ZNF521: variants seen among roughly 807,000 people sequenced by gnomAD.
ZNF521 encodes zinc finger protein 521, also known as LYST-interacting protein 3.
In ZNF521, 14 loss-of-function variants were observed where a neutral mutation model predicts 105.5. The observed-to-expected ratio is 0.13, with a 90% CI of 0.09 to 0.21. The LOEUF (loss-of-function observed/expected upper bound fraction) is 0.21. Among genes scored for constraint, ZNF521 ranks in the 10% least tolerant of loss-of-function variants. The pLI is 1.00. For synonymous variants in ZNF521, 635 were observed against 606.0 expected (o/e 1.05, Z -0.70); for missense variants, 1,233 against 1,629.7 (o/e 0.76, Z 4.19).
At chr18:25,080,096 G>T (rs2033459122) in intron 7 of ZNF521, among the ~76,000 whole-genome samples, 1 of 152,234 alleles carries the variant, frequency 6.6e-6, no homozygotes, top group South Asian at 2.1e-4. Context: ...CAGGAAAGAA[G>T]CTGTCCTCCC....
intron 2 of ZNF521, among the ~76,000 whole-genome samples, chr18:25,327,197 T>C (rs1913270237): frequency 6.6e-6 from 1 of 152,166 alleles, no homozygotes; most frequent in Admixed American, 6.5e-5. Context: ...TTCAAGGATA[T>C]TGTCTGAAAT....
Position 25,224,697 on chromosome 18 carries a change from A to T in ZNF521, c.3221T>A (p.Phe1074Tyr). 1 of 1,613,906 alleles carries T rather than the reference A, an allele frequency of 6.2e-7. No individual in the cohort carries two copies. The highest frequency in any genetic ancestry group is 8.5e-7 in the Non-Finnish European group (1 of 1,179,978). The change falls in exon 4 of 8, where the codon TTC becomes TAC. Residue 1074 changes from phenylalanine (F) to tyrosine (Y), a missense_variant. Physicochemically the swap from Phe to Tyr is conservative, Grantham distance 22. Coordinates refer to ENST00000361524, the MANE Select transcript of ZNF521 (RefSeq NM_015461.3). ...TTTCACCAGATCTTGCTTGGAACGGAATTCTTTGAGGCAAGATGCGCACTT... is the reference window on the plus strand; with the variant it reads ...TTTCACCAGATCTTGCTTGGAACGGTATTCTTTGAGGCAAGATGCGCACTT... ...LYKCASCLKE[F>Y]RSKQDLVKLD... is the part of the protein sequence containing the mutation.
At chr18:25,187,484 C>T (rs2035746704) in intron 5 of ZNF521, among the ~76,000 whole-genome samples, 1 of 151,950 alleles carries the variant, frequency 6.6e-6, no homozygotes, top group Admixed American at 6.6e-5. Flanking sequence ...TAAATAAGCA[C>T]TCACAGCAGA....
chr18:25,295,504 A>T (rs1911274878), intron 3 of ZNF521, among the ~76,000 whole-genome samples: 1 of 152,210 alleles, frequency 6.6e-6, no homozygotes, highest in African/African-American at 2.4e-5. Context: ...ATAAATGCTT[A>T]AGGTGACAGA....
At chr18:25,140,304 G>A (rs964473710) in intron 5 of ZNF521, among the ~76,000 whole-genome samples, 15 of 152,094 alleles carry the variant, frequency 9.9e-5, no homozygotes, top group Non-Finnish European at 1.9e-4. Context: ...AACATCTCTC[G>A]GCTGAGATTT....
intron 5 of ZNF521, among the ~76,000 whole-genome samples, chr18:25,187,410 C>T (rs917632768): frequency 1.3e-5 from 2 of 151,624 alleles, no homozygotes; most frequent in African/African-American, 4.8e-5. Flanking sequence ...TAAGAAAACG[C>T]TTGTTACCTC....
intron 3 of ZNF521, among the ~76,000 whole-genome samples, chr18:25,301,657 G>C (rs1382038040): frequency 1.3e-5 from 2 of 152,200 alleles, no homozygotes; most frequent in Non-Finnish European, 1.5e-5. Flanking sequence ...CCTAATAGGT[G>C]AAAGTCTTCC....
At position 25,251,000 on chromosome 18, in the gene ZNF521, C is replaced by T. The variant is rs1385768150; in HGVS notation, c.221-23303G>A. Among the ~76,000 whole-genome samples, 3 of 152,172 alleles carry T rather than the reference C, an allele frequency of 2.0e-5. No individual in the cohort carries two copies. In the East Asian group the frequency reaches 5.8e-4, roughly 29 times the overall value. On this transcript the variant is annotated intron_variant, in intron 3 of 7. Coordinates refer to ENST00000361524, the MANE Select transcript of ZNF521 (RefSeq NM_015461.3). ...TGTTTGACATCATGTAAACGAAACA[C>T]TCAAATAACTGAGGTTTGTCTTTCT...
intron 3 of ZNF521, among the ~76,000 whole-genome samples, chr18:25,267,722 G>T (rs144784319): frequency 3.2e-4 from 49 of 152,194 alleles, no homozygotes; most frequent in African/African-American, 1.0e-3. Flanking sequence ...AAACAGAAAA[G>T]AAACAGCATC....
intron 6 of ZNF521, among the ~76,000 whole-genome samples, chr18:25,090,484 C>A (rs927001740): frequency 5.3e-5 from 8 of 152,168 alleles, no homozygotes; most frequent in African/African-American, 1.9e-4. Context: ...AAAAACTGCT[C>A]AGATTTCCTT....
chr18:25,221,713 G>C (rs1030030864), intron 4 of ZNF521, among the ~76,000 whole-genome samples: 1 of 152,064 alleles, frequency 6.6e-6, no homozygotes, highest in Non-Finnish European at 1.5e-5. Context: ...TTTTGACAAA[G>C]ACTTATATAA....
chr18:25,091,357 T>C (rs6508347), intron 6 of ZNF521, among the ~76,000 whole-genome samples: 89,351 of 151,930 alleles, frequency 0.59, 26,636 homozygotes, highest in Middle Eastern at 0.65. Context: ...CTAAAATCTG[T>C]AATGCTATCG....
chr18:25,311,177 T>G (rs1912286020), intron 3 of ZNF521, among the ~76,000 whole-genome samples: 1 of 152,068 alleles, frequency 6.6e-6, no homozygotes. Flanking sequence ...CCAAGACCTA[T>G]TAAGAGGTCA....
intron 7 of ZNF521, among the ~76,000 whole-genome samples, chr18:25,069,987 G>A (rs1031726820): frequency 6.6e-6 from 1 of 152,106 alleles, no homozygotes; most frequent in Non-Finnish European, 1.5e-5. Context: ...AAACACTGAT[G>A]CATTTTCTTT....
chr18:25,181,165 C>G lies in ZNF521; in HGVS notation c.3658+13995G>C, dbSNP rs188679779. Among the ~76,000 whole-genome samples, 67 of 152,308 alleles carry G rather than the reference C, an allele frequency of 4.4e-4. 1 individual carries two copies. Among genetic ancestry groups the G allele is most frequent in the African/African-American group, 1.6e-3 (66 of 41,560 alleles). The stretch of plus-strand genomic sequence containing the variant: ...AGCTTTCCTGCTTGATAAATTCCAA[C>G]CTTTCAGCTCATCTAAACTGAGCCT... On this transcript the variant is annotated intron_variant, in intron 5 of 7. Transcript: ENST00000361524.
Position 25,225,226 on chromosome 18 carries a change from C to T in ZNF521, c.2692G>A (p.Glu898Lys), listed in dbSNP as rs1372499764. 1 of 1,614,124 alleles carries T rather than the reference C, an allele frequency of 6.2e-7. No individual in the cohort carries two copies. Among genetic ancestry groups the T allele is most frequent in the Non-Finnish European group, 8.5e-7 (1 of 1,180,018 alleles). ...CDICGAAYTMETLLQNHQLRD... is the reference protein window; with the variant it reads ...CDICGAAYTMKTLLQNHQLRD... ...AGCTGGTGATTCTGCAGCAAAGTTTCCATAGTGTAGGCTGCCCCACAAATG... is the reference window on the plus strand; with the variant it reads ...AGCTGGTGATTCTGCAGCAAAGTTTTCATAGTGTAGGCTGCCCCACAAATG... Residue 898 changes from glutamate (E) to lysine (K), a missense_variant, in exon 4 of 8, where the codon GAA (glutamate) becomes AAA (lysine). By Grantham distance (56) the Glu-to-Lys change is moderately conservative. This residue lies in a region of ZNF521 where 614 missense variants were observed against 751.5 expected (regional missense o/e 0.82). Coordinates refer to ENST00000361524, the MANE Select transcript of ZNF521 (RefSeq NM_015461.3). The surrounding 1 kb of genome is among the most constrained non-coding windows in gnomAD (Gnocchi z 5.6).
At chr18:25,199,948 TTAGTC>T (rs1568006146) in intron 4 of ZNF521, among the ~76,000 whole-genome samples, 1 of 152,194 alleles carries the variant, frequency 6.6e-6, no homozygotes, top group Non-Finnish European at 1.5e-5. Flanking sequence ...GTTTCATACT[TTAGTC>T]TATAAAGAAC....
At chr18:25,216,415 G>T (rs1183092087) in intron 4 of ZNF521, among the ~76,000 whole-genome samples, 1 of 152,074 alleles carries the variant, frequency 6.6e-6, no homozygotes, top group African/African-American at 2.4e-5. Context: ...ATATGTATTA[G>T]TAACTAGATG....
intron 3 of ZNF521, among the ~76,000 whole-genome samples, chr18:25,279,749 G>A (rs575894691): frequency 5.3e-5 from 8 of 152,062 alleles, no homozygotes; most frequent in Admixed American, 1.3e-4. Context: ...GTAATACGAG[G>A]TATTTTTATC....
Sources: allele counts gnomAD v4.1 joint callset (sites outside exome capture counted in the v4.1 genomes callset), GRCh38; gene constraint gnomAD v4.1.1; regional missense constraint gnomAD v4.1.1; non-coding constraint Gnocchi (gnomAD v3.1); transcripts MANE v1.5; gene names NCBI Gene and HGNC (gene_info 2026-07-23, HGNC 2026-07-21).